Variants in NTAQ1 observed in about 807,000 individuals in gnomAD.
NTAQ1 encodes the protein N-terminal glutamine amidase 1.
Under a neutral mutation model 28.2 loss-of-function variants are expected in NTAQ1, and 21 were observed. The observed-to-expected ratio is 0.74, with a 90% CI of 0.53 to 1.07. NTAQ1 has a LOEUF of 1.07. Among genes scored for constraint, NTAQ1 ranks in the 50% least tolerant of loss-of-function variants. The pLI is 0.00. For synonymous variants in NTAQ1, 105 were observed against 90.0 expected, an observed-to-expected ratio of 1.17 and a Z score of -0.94; for missense variants, 264 against 256.6, an observed-to-expected ratio of 1.03 and a Z score of -0.20.
At chr8:123,449,927 A>ATGTGTGTGTGTGTGTG (rs1341187426), downstream of NTAQ1, among the ~76,000 whole-genome samples, 21 of 44,866 alleles carry the variant, frequency 4.7e-4, no homozygotes, top group African/African-American at 1.4e-3. Flanking sequence ...GTGTATATAT[A>ATGTGTGTGTGTGTGTG]TATGTGTGTG....
rs573469164 is a variant in NTAQ1, at chr8:123,422,442, A to AT, written c.84-5474dup. Among the ~76,000 whole-genome samples, 4 of 151,140 alleles carry AT rather than the reference A, an allele frequency of 2.6e-5. No homozygotes were observed. In the East Asian group the frequency reaches 5.9e-4, roughly 22 times the overall value. On this transcript the variant is annotated intron_variant, in intron 1 of 5. Transcript: ENST00000287387. ...AGATGTGTGCCAGCATGCCTGGTTA[A>AT]TTTTTTTTACTTTTTGTGGAGACAG...
At chr8:123,463,485 TTTGA>T (rs1214268364) in intron 6 of NTAQ1, among the ~76,000 whole-genome samples, 1 of 152,262 alleles carries the variant, frequency 6.6e-6, no homozygotes, top group African/African-American at 2.4e-5. Context: ...TAAGTTTCTC[TTTGA>T]TTGATATTGT....
chr8:123,443,089 G>A (rs555251260), downstream of NTAQ1, among the ~76,000 whole-genome samples: 26 of 151,152 alleles, frequency 1.7e-4, no homozygotes, highest in African/African-American at 3.4e-4. Flanking sequence ...GCATGATCTC[G>A]GCTCACTGCA....
At chr8:123,419,739 C>CCTCCCTCCCTCCCTCT (rs1813552153) in intron 1 of NTAQ1, among the ~76,000 whole-genome samples, 1 of 97,056 alleles carries the variant, frequency 1.0e-5, no homozygotes, top group Non-Finnish European at 2.1e-5. Context: ...CACAGCCCTC[C>CCTCCCTCCCTCCCTCT]CTCCCTCCCT....
At chr8:123,436,740 T>A in intron 4 of NTAQ1, 139 bp downstream of exon 4, 1 of 879,170 alleles carries the variant, frequency 1.1e-6, no homozygotes, top group Non-Finnish European at 1.7e-6. Flanking sequence ...AAGAATGATG[T>A]ATTTGCAACA....
downstream of NTAQ1, among the ~76,000 whole-genome samples, chr8:123,452,737 A>G (rs890243983): frequency 8.0e-6 from 1 of 124,630 alleles, no homozygotes; most frequent in African/African-American, 2.9e-5. Flanking sequence ...CCCCGTCTTT[A>G]CTAAAAATAC....
intron 1 of NTAQ1, among the ~76,000 whole-genome samples, chr8:123,421,255 A>ATTTTTCTTTTCTTTTTT (rs1305939191): frequency 6.6e-6 from 1 of 151,334 alleles, no homozygotes; most frequent in African/African-American, 2.4e-5. Context: ...TAATTTTTAT[A>ATTTTTCTTTTCTTTTTT]TTTTTTGTAG....
chr8:123,467,997 C>T (rs1343887614), exon 7 of NTAQ1, among the ~76,000 whole-genome samples: 1 of 152,200 alleles, frequency 6.6e-6, no homozygotes, highest in Non-Finnish European at 1.5e-5. Context: ...ATCCACCCGC[C>T]TTCACCTCCC....
chr8:123,416,909 C>G lies in NTAQ1; in HGVS notation c.60C>G (p.Ala20=), dbSNP rs1308561469. 2.0e-5 allele frequency: 31 copies of G among 1,524,910 alleles called. No individual in the cohort carries two copies. Among genetic ancestry groups the G allele is most frequent in the Non-Finnish European group, 2.5e-5 (28 of 1,137,398 alleles). 94.5% of individuals were successfully genotyped at this position (1,524,910 alleles called of 1,614,324 possible). ...HYQPASPPRD[A]CVYSSCYCEE... ...AGCCGGCCAGCCCCCCGCGGGACGC[C>G]TGCGTCTACAGCAGCTGCTACTGGT... Residue 20 remains alanine (A), a synonymous_variant, in exon 1 of 6, where the codon GCC becomes GCG. Coordinates refer to ENST00000287387, the MANE Select transcript of NTAQ1 (RefSeq NM_018024.3).
chr8:123,448,198 T>G (rs188214092), downstream of NTAQ1: 1 of 152,232 alleles, frequency 6.6e-6, no homozygotes, highest in South Asian at 2.1e-4. Flanking sequence ...GACAAACTTA[T>G]GTATTTTTTA....
chr8:123,419,081 GTTTTTTTTTTTTTTTTTTTT>G (rs762479894), intron 1 of NTAQ1, among the ~76,000 whole-genome samples: 6 of 119,922 alleles, frequency 5.0e-5, no homozygotes, highest in Admixed American at 9.0e-5. Context: ...AGCTTTGGGG[GTTTTTTTTTTTTTTTTTTTT>G]TTTTTTTTTT....
At chr8:123,455,851 C>T (rs986894605) in intron 6 of NTAQ1, among the ~76,000 whole-genome samples, 1 of 152,122 alleles carries the variant, frequency 6.6e-6, no homozygotes, top group African/African-American at 2.4e-5. Flanking sequence ...TGTAATTAGG[C>T]TGTTTTTAGT....
chr8:123,426,855 G>A (rs963433081), intron 1 of NTAQ1, among the ~76,000 whole-genome samples: 1 of 152,148 alleles, frequency 6.6e-6, no homozygotes, highest in African/African-American at 2.4e-5. Context: ...AGCTACTCAG[G>A]AGGCTGAGGC....
At chr8:123,425,270 T>G (rs1365800462) in intron 1 of NTAQ1, among the ~76,000 whole-genome samples, 3 of 151,952 alleles carry the variant, frequency 2.0e-5, no homozygotes, top group Non-Finnish European at 2.9e-5. Context: ...TTTTGTATTT[T>G]TAGTAGAGAC....
intron 1 of NTAQ1, among the ~76,000 whole-genome samples, chr8:123,421,775 G>A (rs1172228539): frequency 6.6e-6 from 1 of 150,828 alleles, no homozygotes; most frequent in Non-Finnish European, 1.5e-5. Context: ...TGCAAGCTCC[G>A]TCTCCTGGGT....
At chr8:123,423,571 C>G (rs1813860146) in intron 1 of NTAQ1, among the ~76,000 whole-genome samples, 1 of 152,086 alleles carries the variant, frequency 6.6e-6, no homozygotes, top group Non-Finnish European at 1.5e-5. Context: ...TGCACCCCAC[C>G]TACAGGTATT....
At chr8:123,456,779 A>G (rs1815661476) in intron 6 of NTAQ1, among the ~76,000 whole-genome samples, 1 of 152,208 alleles carries the variant, frequency 6.6e-6, no homozygotes, top group Non-Finnish European at 1.5e-5. Flanking sequence ...GAAACAAACG[A>G]ATCAATTTTT....
downstream of NTAQ1, among the ~76,000 whole-genome samples, chr8:123,445,710 A>T (rs1815252574): frequency 6.6e-6 from 1 of 151,994 alleles, no homozygotes. Flanking sequence ...GGTTGAAGTG[A>T]TTCTCCTGCC....
intron 1 of NTAQ1, among the ~76,000 whole-genome samples, chr8:123,426,521 T>C (rs1194777803): frequency 6.6e-6 from 1 of 152,042 alleles, no homozygotes; most frequent in African/African-American, 2.4e-5. Context: ...ACAAAAATAA[T>C]TTTTAAAATT....
Sources: gnomAD v4.1 joint callset for allele counts (sites outside exome capture counted in the v4.1 genomes callset) on GRCh38, gnomAD v4.1.1 for gene constraint, MANE v1.5 for transcripts, NCBI Gene and HGNC (gene_info 2026-07-23, HGNC 2026-07-21) for gene names.